Variants in CSGALNACT1 observed in about 807,000 individuals in gnomAD.
CSGALNACT1 encodes chondroitin sulfate N-acetylgalactosaminyltransferase 1.
A neutral mutation model predicts 51.0 loss-of-function variants in CSGALNACT1; 52 were observed. That is an observed-to-expected ratio of 1.02 (90% CI 0.82 to 1.29). CSGALNACT1 has a LOEUF of 1.29. Ranked by LOEUF, CSGALNACT1 falls within the 50% of genes most tolerant of loss-of-function variation. CSGALNACT1 has a pLI of 0.00. For missense variants in CSGALNACT1, 935 were observed against 679.2 expected (o/e 1.38, Z -4.19); for synonymous variants, 341 against 254.4 (o/e 1.34, Z -3.24).
chr8:19,420,095 T>C (rs1235798987), intron 7 of CSGALNACT1, among the ~76,000 whole-genome samples: 1 of 152,234 alleles, frequency 6.6e-6, no homozygotes, highest in Non-Finnish European at 1.5e-5. Context: ...TTGTGAGGCC[T>C]CCCCAGCCAT....
At chr8:19,660,087 A>T (rs977200044) in intron 1 of CSGALNACT1, among the ~76,000 whole-genome samples, 4 of 152,232 alleles carry the variant, frequency 2.6e-5, no homozygotes, top group African/African-American at 9.6e-5. Flanking sequence ...CAGTCTTACA[A>T]CTAGGATGTG....
intron 5 of CSGALNACT1, among the ~76,000 whole-genome samples, chr8:19,451,390 C>T (rs1015979936): frequency 7.9e-5 from 12 of 152,136 alleles, no homozygotes; most frequent in Non-Finnish European, 1.5e-4. Flanking sequence ...TTATAAAAAT[C>T]GTTTTATTAA....
intron 1 of CSGALNACT1, among the ~76,000 whole-genome samples, chr8:19,735,768 T>G (rs1162325448): frequency 2.0e-5 from 3 of 152,160 alleles, no homozygotes; most frequent in Non-Finnish European, 4.4e-5. Context: ...AGAAAAATTA[T>G]AATACATTCT....
chr8:19,639,437 C>T (rs1434348130), intron 1 of CSGALNACT1, among the ~76,000 whole-genome samples: 2 of 152,204 alleles, frequency 1.3e-5, no homozygotes, highest in African/African-American at 4.8e-5. Context: ...CCATTAACCA[C>T]TGCCAGGAAG....
chr8:19,524,626 T>C (rs1216540851), intron 3 of CSGALNACT1, among the ~76,000 whole-genome samples: 1 of 152,120 alleles, frequency 6.6e-6, no homozygotes, highest in South Asian at 2.1e-4. Flanking sequence ...AAGATTGATA[T>C]AAATGCAATT....
intron 1 of CSGALNACT1, among the ~76,000 whole-genome samples, chr8:19,677,043 GA>G (rs2060245627): frequency 6.6e-6 from 1 of 151,642 alleles, no homozygotes; most frequent in African/African-American, 2.4e-5. Context: ...AGGGAGTGTA[GA>G]AAATTCTTTC....
chr8:19,633,330 T>A (rs1240806968), intron 1 of CSGALNACT1, among the ~76,000 whole-genome samples: 7 of 152,042 alleles, frequency 4.6e-5, no homozygotes, highest in African/African-American at 1.7e-4. Flanking sequence ...TTGACAACCA[T>A]ACTACTCTCA....
At chr8:19,515,414 G>C (rs1462178168) in intron 3 of CSGALNACT1, among the ~76,000 whole-genome samples, 1 of 152,188 alleles carries the variant, frequency 6.6e-6, no homozygotes, top group Non-Finnish European at 1.5e-5. Flanking sequence ...CCCAGCCCAG[G>C]GGAATGGGCT....
intron 3 of CSGALNACT1, among the ~76,000 whole-genome samples, chr8:19,521,193 C>T (rs868109364): frequency 1.2e-4 from 18 of 152,154 alleles, no homozygotes; most frequent in Middle Eastern, 6.8e-3. Flanking sequence ...CAGACTCACA[C>T]GATCAGAATT....
In CSGALNACT1 at chr8:19,722,133, A is replaced by G. The variant is rs900066173; in HGVS notation, c.-297+35717T>C. 3.3e-5 allele frequency among the ~76,000 whole-genome samples: 5 copies of G among 152,298 alleles called. No homozygotes were observed. The East Asian group carries it at 9.7e-4, about 29-fold the overall frequency. ...ATTTGTTTAAAATAAGCATTTAGTTATCTATCTTTTTTTCCTAATTAGATG... is the reference window on the plus strand; with the variant it reads ...ATTTGTTTAAAATAAGCATTTAGTTGTCTATCTTTTTTTCCTAATTAGATG... On this transcript the variant is annotated intron_variant, in intron 1 of 1. Transcript: ENST00000517494.
chr8:19,703,263 G>T lies in CSGALNACT1; in HGVS notation c.-297+54587C>A, dbSNP rs541838596. Among the ~76,000 whole-genome samples, 101 of 152,234 alleles carry T rather than the reference G, an allele frequency of 6.6e-4. 1 individual carries two copies. The highest frequency in any genetic ancestry group is 1.1e-3 in the Non-Finnish European group (72 of 68,010). On this transcript the variant is annotated intron_variant, in intron 1 of 1. Coordinates refer to the CSGALNACT1 transcript ENST00000517494. Reference sequence around the variant, plus strand: ...ATGTGACTTGGGATTTGAGCCACTCGAAGTTGTTACATAATAAGAACAGGC... The same window carrying T: ...ATGTGACTTGGGATTTGAGCCACTCTAAGTTGTTACATAATAAGAACAGGC...
intron 6 of CSGALNACT1, among the ~76,000 whole-genome samples, chr8:19,430,116 A>G (rs962455348): frequency 6.6e-6 from 1 of 152,206 alleles, no homozygotes; most frequent in African/African-American, 2.4e-5. Flanking sequence ...ATAGACCCTT[A>G]TCAGATTATG....
chr8:19,436,790 A>G (rs1232058289), intron 6 of CSGALNACT1, among the ~76,000 whole-genome samples: 1 of 152,182 alleles, frequency 6.6e-6, no homozygotes, highest in East Asian at 1.9e-4. Context: ...ACATGCTTGT[A>G]GTCCCAGCTA....
At chr8:19,603,782 A>G (rs2050935801), upstream of CSGALNACT1, among the ~76,000 whole-genome samples, 2 of 152,192 alleles carry the variant, frequency 1.3e-5, no homozygotes, top group African/African-American at 4.8e-5. Flanking sequence ...TTGGCCATCT[A>G]AGTAAAAAGG....
chr8:19,730,827 A>G (rs2063650923), intron 1 of CSGALNACT1, among the ~76,000 whole-genome samples: 1 of 152,068 alleles, frequency 6.6e-6, no homozygotes, highest in Non-Finnish European at 1.5e-5. Flanking sequence ...CCATCACTCT[A>G]ATCATCTTGC....
intron 1 of CSGALNACT1, among the ~76,000 whole-genome samples, chr8:19,751,406 T>C (rs556286554): frequency 6.6e-6 from 1 of 152,182 alleles, no homozygotes; most frequent in Admixed American, 6.5e-5. Flanking sequence ...GTTTTTATCA[T>C]GGGAAGAGAA....
intron 4 of CSGALNACT1, among the ~76,000 whole-genome samples, chr8:19,487,410 A>T (rs1221360479): frequency 6.6e-6 from 1 of 152,232 alleles, no homozygotes; most frequent in African/African-American, 2.4e-5. Flanking sequence ...TGTCCATGAC[A>T]GGGAGGTTCC....
chr8:19,543,282 CTG>C, intron 3 of CSGALNACT1, among the ~76,000 whole-genome samples: 1 of 152,270 alleles, frequency 6.6e-6, no homozygotes, highest in Non-Finnish European at 1.5e-5. Context: ...TTTTTGCAAA[CTG>C]TTTACCAAGA....
chr8:19,450,377 G>A (rs1351068820), intron 5 of CSGALNACT1, among the ~76,000 whole-genome samples: 1 of 152,048 alleles, frequency 6.6e-6, no homozygotes, highest in African/African-American at 2.4e-5. Flanking sequence ...GGACAAAAAG[G>A]AAACAGAAAA....
Sources: gnomAD v4.1 joint callset for allele counts (sites outside exome capture counted in the v4.1 genomes callset) on GRCh38, gnomAD v4.1.1 for gene constraint, MANE v1.5 for transcripts, NCBI Gene and HGNC (gene_info 2026-07-23, HGNC 2026-07-21) for gene names.